Variants in SGIP1 observed in about 807,000 individuals in gnomAD.
SGIP1 encodes the protein SH3GL interacting endocytic adaptor 1.
A neutral mutation model predicts 107.5 loss-of-function variants in SGIP1; 38 were observed. The ratio of observed to expected loss-of-function variants is 0.35; its 90% CI spans 0.27 to 0.46. SGIP1 has a LOEUF of 0.46. Among genes scored for constraint, SGIP1 ranks in the 20% least tolerant of loss-of-function variants. The pLI, the probability that SGIP1 is intolerant of heterozygous loss-of-function variation, is 1.00. For missense variants in SGIP1, 929 were observed against 1,019.5 expected (o/e 0.91, Z 1.21); for synonymous variants, 365 against 366.1 (o/e 1.00, Z 0.03).
intron 1 of SGIP1, among the ~76,000 whole-genome samples, chr1:66,558,401 C>T (rs1289017724): frequency 6.6e-6 from 1 of 151,834 alleles, no homozygotes; most frequent in Non-Finnish European, 1.5e-5. Flanking sequence ...TCCTGCCTGG[C>T]TACATAATCT....
Position 66,704,655 on chromosome 1 carries a change from T to A in SGIP1, c.1630+9162T>A, listed in dbSNP as rs533290531. On this transcript the variant is annotated intron_variant, in intron 18 of 24. Coordinates refer to ENST00000371037, the MANE Select transcript of SGIP1 (RefSeq NM_032291.4). ...TGGCTGATGACCTCTATAGCGTTTGTTTCTATTATGTCTTTTGAGAAGAGC... is the reference window on the plus strand; with the variant it reads ...TGGCTGATGACCTCTATAGCGTTTGATTCTATTATGTCTTTTGAGAAGAGC... 5.3e-5 allele frequency: 8 copies of A among 152,312 alleles called. No individual in the cohort carries two copies. In the South Asian group the frequency reaches 1.7e-3, roughly 32 times the overall value. The allele number at this position is 152,312 out of a possible 1,614,324, so 9.4% of individuals were successfully genotyped here.
At chr1:66,604,211 A>G (rs1363500355) in intron 1 of SGIP1, among the ~76,000 whole-genome samples, 1 of 152,184 alleles carries the variant, frequency 6.6e-6, no homozygotes, top group African/African-American at 2.4e-5. Context: ...TTCTACCGAT[A>G]AAAGAAGTTA....
intron 24 of SGIP1, among the ~76,000 whole-genome samples, chr1:66,741,767 A>T (rs931642344): frequency 1.4e-3 from 201 of 146,138 alleles, no homozygotes; most frequent in African/African-American, 4.7e-3. Flanking sequence ...TTTTATTTTT[A>T]TTTATTTTTT....
chr1:66,719,560 C>T, intron 19 of SGIP1, among the ~76,000 whole-genome samples, 155 bp downstream of exon 19: 1 of 152,100 alleles, frequency 6.6e-6, no homozygotes, highest in East Asian at 1.9e-4. Context: ...GTGAAAATGT[C>T]ATTAGGAATA....
At chr1:66,723,012 G>A (rs1214453362) in intron 19 of SGIP1, among the ~76,000 whole-genome samples, 1 of 152,174 alleles carries the variant, frequency 6.6e-6, no homozygotes, top group Non-Finnish European at 1.5e-5. Context: ...ATGCTGGTAG[G>A]TGGGAGATCC....
intron 1 of SGIP1, among the ~76,000 whole-genome samples, chr1:66,541,735 G>C (rs1304137199): frequency 6.6e-6 from 1 of 152,118 alleles, no homozygotes; most frequent in Non-Finnish European, 1.5e-5. Context: ...AACAATTTAA[G>C]GAGGAAAATA....
chr1:66,559,465 G>C (rs1214065731), intron 1 of SGIP1, among the ~76,000 whole-genome samples: 1 of 151,994 alleles, frequency 6.6e-6, no homozygotes, highest in African/African-American at 2.4e-5. Flanking sequence ...AGTGCTTCGA[G>C]GAAGAGAAAA....
intron 18 of SGIP1, among the ~76,000 whole-genome samples, chr1:66,706,529 TAATA>T (rs2092532843): frequency 6.7e-6 from 1 of 149,742 alleles, no homozygotes; most frequent in African/African-American, 2.4e-5. Context: ...CTTTTCTCTT[TAATA>T]AATAAATGTA....
intron 1 of SGIP1, among the ~76,000 whole-genome samples, chr1:66,576,502 G>A (rs1413627977): frequency 1.3e-5 from 2 of 152,152 alleles, no homozygotes; most frequent in Admixed American, 1.3e-4. Flanking sequence ...CTGGCTCATG[G>A]TAAGGATTTA....
chr1:66,589,732 A>G (rs1033029972), intron 1 of SGIP1, among the ~76,000 whole-genome samples: 6 of 152,176 alleles, frequency 3.9e-5, no homozygotes, highest in African/African-American at 1.4e-4. Flanking sequence ...AAAGGTTTTT[A>G]TACTTAAGGA....
intron 3 of SGIP1, among the ~76,000 whole-genome samples, chr1:66,633,912 C>G (rs1339572256): frequency 6.6e-6 from 1 of 152,124 alleles, no homozygotes; most frequent in Non-Finnish European, 1.5e-5. Flanking sequence ...TATACATAAA[C>G]TGGGGTGTTA....
chr1:66,693,970 T>C (rs1396849831), intron 17 of SGIP1, among the ~76,000 whole-genome samples: 1 of 152,224 alleles, frequency 6.6e-6, no homozygotes, highest in African/African-American at 2.4e-5. Context: ...ATGGCCATGT[T>C]AAAAGCATCT....
At chr1:66,676,874 A>G (rs1279371356) in intron 12 of SGIP1, 130 bp from the exon 13 acceptor site, 9 of 676,188 alleles carry the variant, frequency 1.3e-5, no homozygotes, top group Non-Finnish European at 2.0e-5. Context: ...CACATTCCTA[A>G]GTTAATTTTT....
At chr1:66,594,183 A>T (rs1232327695) in intron 1 of SGIP1, among the ~76,000 whole-genome samples, 1 of 151,104 alleles carries the variant, frequency 6.6e-6, no homozygotes, top group African/African-American at 2.4e-5. Context: ...ATAAACAGCT[A>T]TGTGAAAGGA....
intron 17 of SGIP1, among the ~76,000 whole-genome samples, chr1:66,692,584 G>A (rs2090105711): frequency 6.6e-6 from 1 of 152,138 alleles, no homozygotes; most frequent in Admixed American, 6.5e-5. Context: ...ACACCAAAGG[G>A]CCTAATCATA....
At chr1:66,598,421 G>T (rs2065129569) in intron 1 of SGIP1, among the ~76,000 whole-genome samples, 1 of 152,212 alleles carries the variant, frequency 6.6e-6, no homozygotes, top group South Asian at 2.1e-4. Flanking sequence ...AAATCTGTCA[G>T]ATGCTGAATG....
chr1:66,545,301 T>C (rs187731068), intron 1 of SGIP1, among the ~76,000 whole-genome samples: 1 of 152,180 alleles, frequency 6.6e-6, no homozygotes, highest in African/African-American at 2.4e-5. Context: ...CTCTTGCCCT[T>C]GGACTTGCCA....
chr1:66,742,099 T>A (rs2094465789), intron 24 of SGIP1, among the ~76,000 whole-genome samples: 1 of 152,082 alleles, frequency 6.6e-6, no homozygotes, highest in African/African-American at 2.4e-5. Flanking sequence ...CCAGAAAACT[T>A]TTTGTTCTCT....
At chr1:66,572,083 C>G (rs1428221882) in intron 1 of SGIP1, among the ~76,000 whole-genome samples, 4 of 152,020 alleles carry the variant, frequency 2.6e-5, no homozygotes, top group Admixed American at 2.6e-4. Flanking sequence ...GTCCAACAAA[C>G]AAGAGGTGCA....
Sources: allele counts gnomAD v4.1 joint callset (sites outside exome capture counted in the v4.1 genomes callset), GRCh38; gene constraint gnomAD v4.1.1; transcripts MANE v1.5; gene names NCBI Gene and HGNC (gene_info 2026-07-23, HGNC 2026-07-21).